Variants in MRPL45 observed in about 807,000 individuals in gnomAD.
The protein encoded by MRPL45 is mitochondrial ribosomal protein L45, also known as large ribosomal subunit protein mL45.
MRPL45 carries 20 observed loss-of-function variants against 38.1 expected under a neutral mutation model. The observed-to-expected ratio is 0.53, with a 90% confidence interval of 0.37 to 0.76. The LOEUF is 0.76. Ranked by LOEUF, MRPL45 falls within the 30% of genes least tolerant of loss-of-function variation. The probability of loss-of-function intolerance (pLI) is 0.00; values close to 1 mark genes in which losing one functional copy is unlikely to be tolerated. For synonymous variants in MRPL45, 105 were observed against 128.8 expected (o/e 0.82, Z 1.25); for missense variants, 337 against 395.6 (o/e 0.85, Z 1.26).
In MRPL45 at chr17:38,306,145, C is replaced by T. The variant is rs372778661; in HGVS notation, c.363-388C>T. The stretch of plus-strand genomic sequence containing the variant: ...CAATTATTGGCCGGGCGTGGTAGCT[C>T]ACGCCTGTAATCCCAGGACTTTGGG... On this transcript the variant is annotated intron_variant, in intron 3 of 7. Coordinates refer to ENST00000613675, the MANE Select transcript of MRPL45 (RefSeq NM_032351.6). 6.1e-3 allele frequency among the ~76,000 whole-genome samples: 932 copies of T among 151,906 alleles called. 4 individuals carry two copies. Among genetic ancestry groups the T allele is most frequent in the Non-Finnish European group, 9.6e-3 (654 of 67,932 alleles).
chr17:38,306,775 A>G (rs2037059716), intron 4 of MRPL45, 144 bp downstream of exon 4: 3 of 823,260 alleles, frequency 3.6e-6, no homozygotes, highest in Admixed American at 5.9e-5. Context: ...AGAACTTCCT[A>G]TATTGGAAGT....
At chr17:38,322,065 A>G in intron 6 of MRPL45, 61 bp from the exon 7 acceptor site, 1 of 1,546,150 alleles carries the variant, frequency 6.5e-7, no homozygotes, top group Non-Finnish European at 8.8e-7. Context: ...GCAATAAAAC[A>G]AACAACTCAC....
chr17:38,298,477 T>A lies in MRPL45; in HGVS notation c.95T>A (p.Ile32Lys). The A allele has an allele frequency of 6.2e-7, 1 of 1,613,962 alleles. No individual in the cohort carries two copies. The highest frequency in any genetic ancestry group is 8.5e-7 in the Non-Finnish European group (1 of 1,179,858). ...QPVLVTQSAA[I>K]VPVRTKKRFT... ...GTTCTGGTGACTCAGTCCGCAGCTATAGTTCCAGTAAGAACTAAAAAACGT... is the reference window on the plus strand; with the variant it reads ...GTTCTGGTGACTCAGTCCGCAGCTAAAGTTCCAGTAAGAACTAAAAAACGT... Residue 32 changes from isoleucine (I) to lysine (K), a missense_variant, in exon 2 of 8, where the codon ATA (isoleucine) becomes AAA (lysine). Coordinates refer to ENST00000613675, the MANE Select transcript of MRPL45 (RefSeq NM_032351.6).
chr17:38,318,839 T>TTTTG, intron 5 of MRPL45, 104 bp downstream of exon 5: 1 of 643,538 alleles, frequency 1.6e-6, no homozygotes. Flanking sequence ...TTTTTTTTTT[T>TTTTG]TTTTTGAGAC....
intron 7 of MRPL45, 88 bp downstream of exon 7, chr17:38,322,387 G>A: frequency 7.1e-7 from 1 of 1,414,932 alleles, no homozygotes; most frequent in South Asian, 1.2e-5. Flanking sequence ...GTGGCGAGAG[G>A]GGGTGATGCA....
At chr17:38,301,855 C>T (rs1567712840) in intron 3 of MRPL45, among the ~76,000 whole-genome samples, 1 of 152,100 alleles carries the variant, frequency 6.6e-6, no homozygotes, top group Non-Finnish European at 1.5e-5. Flanking sequence ...AGGTGGCTCA[C>T]GCCTGTAATC....
In MRPL45 at chr17:38,298,748, T is replaced by C. The variant is rs1463145026; in HGVS notation, c.244+122T>C. 3.5e-6 allele frequency: 5 copies of C among 1,420,512 alleles called. No individual in the cohort carries two copies. In the East Asian group the frequency reaches 1.1e-4, roughly 32 times the overall value. The allele number at this position is 1,420,512 out of a possible 1,614,324, so 88.0% of individuals were successfully genotyped here. A position where few individuals can be genotyped will look rare whatever the true frequency, so the allele number is the denominator to read the frequency against. On this transcript the variant is annotated intron_variant, in intron 2 of 7. Coordinates refer to ENST00000613675, the MANE Select transcript of MRPL45 (RefSeq NM_032351.6). ...CACGAAGTCAGTTCAACCTCAATAATGATTAACCTTATATACACTATATAT... is the reference window on the plus strand; with the variant it reads ...CACGAAGTCAGTTCAACCTCAATAACGATTAACCTTATATACACTATATAT...
chr17:38,300,737 A>G (rs2036985965), intron 3 of MRPL45, among the ~76,000 whole-genome samples: 2 of 152,066 alleles, frequency 1.3e-5, no homozygotes, highest in African/African-American at 4.8e-5. Flanking sequence ...ACCTGAGGTC[A>G]GGAATCGAAA....
chr17:38,310,220 T>C (rs1416609600), intron 4 of MRPL45, among the ~76,000 whole-genome samples: 7 of 151,764 alleles, frequency 4.6e-5, no homozygotes, highest in Admixed American at 3.9e-4. Context: ...ACAGTTATTT[T>C]AAAACCTGTG....
At chr17:38,297,732 G>A (rs1025666761) in intron 1 of MRPL45, among the ~76,000 whole-genome samples, 71 of 152,100 alleles carry the variant, frequency 4.7e-4, no homozygotes, top group Non-Finnish European at 2.1e-4. Context: ...CGAGACTCCC[G>A]ATAGGATGAG....
intron 7 of MRPL45, 69 bp from the exon 8 acceptor site, chr17:38,322,440 A>G (rs1420901979): frequency 9.4e-6 from 12 of 1,283,218 alleles, no homozygotes; most frequent in Admixed American, 6.0e-5. Context: ...GGGTGGGAGC[A>G]AGGGATGAAG....
intron 1 of MRPL45, among the ~76,000 whole-genome samples, chr17:38,297,794 A>T (rs1460270946): frequency 6.6e-6 from 1 of 152,204 alleles, no homozygotes; most frequent in Non-Finnish European, 1.5e-5. Context: ...GACTTTGCTT[A>T]TGCTTTAAGC....
At chr17:38,314,374 G>C (rs1288380076) in intron 4 of MRPL45, among the ~76,000 whole-genome samples, 1 of 152,228 alleles carries the variant, frequency 6.6e-6, no homozygotes, top group East Asian at 1.9e-4. Context: ...AAAGTGCTGG[G>C]ATTACAGGCG....
In MRPL45 at chr17:38,316,563, CTT is replaced by C. The variant is rs1371235430; in HGVS notation, c.462-2122_462-2121del. Among the ~76,000 whole-genome samples, 15 of 151,666 alleles carry C rather than the reference CTT, an allele frequency of 9.9e-5. No homozygotes were observed. In the South Asian group the frequency reaches 3.1e-3, roughly 32 times the overall value. On this transcript the variant is annotated intron_variant, in intron 4 of 7. Transcript: ENST00000613675. ...GGTGGCTCATGCCTATAATCCAGTA[CTT>C]TGGGAGGCCGAGGCGGGCAGATCAC... is the stretch of plus-strand genomic sequence containing the variant.
chr17:38,320,881 C>G, intron 6 of MRPL45, 114 bp downstream of exon 6: 1 of 985,462 alleles, frequency 1.0e-6, no homozygotes, highest in South Asian at 1.5e-5. Context: ...AAAAGGTACA[C>G]TGTGATCTGT....
chr17:38,300,886 C>T (rs1311227525), intron 3 of MRPL45, among the ~76,000 whole-genome samples: 17 of 152,220 alleles, frequency 1.1e-4, no homozygotes, highest in Middle Eastern at 3.4e-3. Flanking sequence ...GCGGAGGTTG[C>T]GGTGAGCCGA....
At chr17:38,320,899 G>T in intron 6 of MRPL45, 132 bp downstream of exon 6, 1 of 816,384 alleles carries the variant, frequency 1.2e-6, no homozygotes, top group South Asian at 1.7e-5. Flanking sequence ...TGTCTTCCTT[G>T]CTGTGCCGCT....
At chr17:38,315,746 CT>C (rs1028091846) in intron 4 of MRPL45, among the ~76,000 whole-genome samples, 304 of 138,802 alleles carry the variant, frequency 2.2e-3, no homozygotes, top group Non-Finnish European at 2.6e-3. Context: ...CTTTTTCTTT[CT>C]TTTTTTTTTT....
chr17:38,305,264 C>T (rs1217015337), intron 3 of MRPL45, among the ~76,000 whole-genome samples: 27 of 128,070 alleles, frequency 2.1e-4, no homozygotes, highest in Admixed American at 1.8e-3. Flanking sequence ...GACAGGAGTT[C>T]GAGACCAGCC....
Sources: allele counts gnomAD v4.1 joint callset (sites outside exome capture counted in the v4.1 genomes callset), GRCh38; gene constraint gnomAD v4.1.1; transcripts MANE v1.5; gene names NCBI Gene and HGNC (gene_info 2026-07-23, HGNC 2026-07-21).